The following CFAP70 variants were observed in gnomAD, a reference collection of about 807,000 sequenced individuals.
CFAP70 encodes cilia- and flagella-associated protein 70.
In CFAP70, 81 loss-of-function variants were observed where a neutral mutation model predicts 137.6. The ratio of observed to expected loss-of-function variants is 0.59; its 90% CI spans 0.49 to 0.71. The LOEUF is 0.71. Ranked by LOEUF, CFAP70 falls within the 30% of genes least tolerant of loss-of-function variation. CFAP70 has a pLI of 0.00. For synonymous variants in CFAP70, 382 were observed against 423.6 expected, an observed-to-expected ratio of 0.90 and a Z score of 1.20; for missense variants, 976 against 1,226.7, an observed-to-expected ratio of 0.80 and a Z score of 3.05.
At chr10:73,359,719 G>A (rs1252250856), upstream of CFAP70, among the ~76,000 whole-genome samples, 1 of 152,160 alleles carries the variant, frequency 6.6e-6, no homozygotes. Context: ...AGGCTGGTGG[G>A]TAGATGTTCT....
Position 73,291,462 on chromosome 10 carries a change from T to C in CFAP70, c.2021-18A>G. 1 of 1,604,440 alleles carries C rather than the reference T, an allele frequency of 6.2e-7. No individual in the cohort carries two copies. The stretch of plus-strand genomic sequence containing the variant: ...GTACAAACCTGGGGAAAGAAAAATG[T>C]TGAAATACATATGACTATTTTCCCA... On this transcript the variant is annotated intron_variant, in intron 18 of 26. Transcript: ENST00000310715.
exon 17 of CFAP70, chr10:73,292,014 T>C (rs1171023700): frequency 1.2e-6 from 2 of 1,614,016 alleles, no homozygotes; most frequent in South Asian, 2.2e-5. Flanking sequence ...CGGACCAATC[T>C]CTAAGCATCA....
chr10:73,289,048 T>C (rs2047958277), intron 19 of CFAP70, among the ~76,000 whole-genome samples: 1 of 152,206 alleles, frequency 6.6e-6, no homozygotes, highest in Admixed American at 6.5e-5. Flanking sequence ...TTACTGTTTT[T>C]TCCTCACTCT....
chr10:73,285,580 C>A (rs1019357329), intron 19 of CFAP70, among the ~76,000 whole-genome samples: 3 of 151,532 alleles, frequency 2.0e-5, no homozygotes, highest in Non-Finnish European at 4.4e-5. Context: ...TCTAAGCTCA[C>A]ATCTAGGAAA....
At chr10:73,279,113 T>C (rs958942562) in intron 19 of CFAP70, 2 of 152,122 alleles carry the variant, frequency 1.3e-5, no homozygotes, top group African/African-American at 4.8e-5. Flanking sequence ...CAGAGAAGAT[T>C]AGCATGGCCC....
intron 3 of CFAP70, among the ~76,000 whole-genome samples, chr10:73,349,314 C>T (rs1450328119): frequency 6.6e-6 from 1 of 151,910 alleles, no homozygotes; most frequent in African/African-American, 2.4e-5. Context: ...CTGAGGCGGG[C>T]AGATCACGAG....
intron 4 of CFAP70, among the ~76,000 whole-genome samples, chr10:73,345,471 G>GTA (rs1043843423): frequency 6.6e-6 from 1 of 152,066 alleles, no homozygotes; most frequent in African/African-American, 2.4e-5. Context: ...CTGAGGTAAA[G>GTA]TATATATATA....
chr10:73,254,020 G>T (rs769547174), exon 27 of CFAP70: 41 of 1,603,600 alleles, frequency 2.6e-5, no homozygotes, highest in Middle Eastern at 3.3e-4. Context: ...GTAGTGTGTG[G>T]ATCTCTGCAA....
chr10:73,264,133 A>AT (rs1170466729), intron 25 of CFAP70, among the ~76,000 whole-genome samples: 1 of 151,906 alleles, frequency 6.6e-6, no homozygotes, highest in African/African-American at 2.4e-5. Context: ...TTCTTTGAAC[A>AT]TTTTTTACTT....
At chr10:73,321,701 T>A (rs2132197313) in intron 9 of CFAP70, among the ~76,000 whole-genome samples, 1 of 152,262 alleles carries the variant, frequency 6.6e-6, no homozygotes, top group East Asian at 1.9e-4. Flanking sequence ...AAAAAAAAAT[T>A]ATAGTTCATA....
intron 15 of CFAP70, 174 bp from the exon 17 acceptor site, chr10:73,293,562 A>C: frequency 2.0e-6 from 1 of 500,122 alleles, no homozygotes; most frequent in South Asian, 3.7e-5. Context: ...CCAGGAGAGA[A>C]ATGTCAAGGG....
intron 19 of CFAP70, among the ~76,000 whole-genome samples, chr10:73,290,581 T>C (rs1220300913): frequency 6.6e-6 from 1 of 152,002 alleles, no homozygotes; most frequent in Admixed American, 6.6e-5. Context: ...TGTTAAAAAA[T>C]GTAGGCACAC....
chr10:73,358,248 G>T (rs1422174695), intron 1 of CFAP70, among the ~76,000 whole-genome samples: 1 of 152,232 alleles, frequency 6.6e-6, no homozygotes, highest in Admixed American at 6.5e-5. Context: ...TACACAACAG[G>T]CGTTCGCGTC....
chr10:73,320,075 T>C (rs1262376955), intron 9 of CFAP70, among the ~76,000 whole-genome samples: 3 of 152,220 alleles, frequency 2.0e-5, no homozygotes, highest in African/African-American at 7.2e-5. Context: ...ATATTTTCCC[T>C]AGTTCTTCAG....
chr10:73,328,159 G>C (rs1209082238), intron 8 of CFAP70, among the ~76,000 whole-genome samples: 3 of 152,184 alleles, frequency 2.0e-5, no homozygotes, highest in Non-Finnish European at 4.4e-5. Context: ...CAATGGAACA[G>C]AACAGAGCCC....
intron 12 of CFAP70, among the ~76,000 whole-genome samples, chr10:73,307,910 T>G (rs577225625): frequency 1.1e-3 from 167 of 149,732 alleles, no homozygotes; most frequent in African/African-American, 2.2e-3. Context: ...TTTGGGAGGC[T>G]GAGGCGGGCA....
chr10:73,318,294 G>A (rs540730780), intron 9 of CFAP70, among the ~76,000 whole-genome samples: 11 of 152,252 alleles, frequency 7.2e-5, no homozygotes, highest in African/African-American at 1.9e-4. Flanking sequence ...GAGATGATTT[G>A]TCAACCTCCT....
In CFAP70 at chr10:73,291,632, A is replaced by G. The variant is rs1447517964; in HGVS notation, c.2020+8T>C. On this transcript the variant is annotated splice_region_variant and intron_variant, in intron 18 of 26. Coordinates refer to ENST00000310715, the Ensembl canonical transcript of CFAP70. ...GAAAACACATTCAGATTACAAGAAA[A>G]TATCTACCAAGTAAAGTCCAGGCTA... is the stretch of plus-strand genomic sequence containing the variant. 2 of 1,608,222 alleles carry G rather than the reference A, an allele frequency of 1.2e-6. No individual in the cohort carries two copies. The highest frequency in any genetic ancestry group is 2.2e-5 in the East Asian group (1 of 44,798).
chr10:73,337,055 G>A (rs1047398069), intron 6 of CFAP70, among the ~76,000 whole-genome samples: 15 of 152,036 alleles, frequency 9.9e-5, no homozygotes, highest in Non-Finnish European at 1.9e-4. Context: ...GTAAAACAAA[G>A]CAAGTTGCAT....
Sources: gnomAD v4.1 joint callset for allele counts (sites outside exome capture counted in the v4.1 genomes callset) on GRCh38, gnomAD v4.1.1 for gene constraint, MANE v1.5 for transcripts, NCBI Gene and HGNC (gene_info 2026-07-23, HGNC 2026-07-21) for gene names.